LTBP1: variants seen among roughly 807,000 people sequenced by gnomAD.
The protein encoded by LTBP1 is latent transforming growth factor beta binding protein 1.
Under a neutral mutation model 207.6 loss-of-function variants are expected in LTBP1, and 129 were observed. The ratio of observed to expected loss-of-function variants is 0.62; its 90% CI spans 0.54 to 0.72. LTBP1 has a LOEUF of 0.72. Ranked by LOEUF, LTBP1 falls within the 30% of genes least tolerant of loss-of-function variation. LTBP1 has a pLI of 0.00. For synonymous variants in LTBP1, 963 were observed against 833.7 expected, an observed-to-expected ratio of 1.16 and a Z score of -2.67; for missense variants, 2,281 against 2,217.2, an observed-to-expected ratio of 1.03 and a Z score of -0.58.
chr2:33,095,270 G>T (rs1038383681), intron 3 of LTBP1, among the ~76,000 whole-genome samples: 1 of 152,112 alleles, frequency 6.6e-6, no homozygotes, highest in Non-Finnish European at 1.5e-5. Flanking sequence ...GCAATAAAAA[G>T]CAGACTGAAA....
intron 11 of LTBP1, among the ~76,000 whole-genome samples, chr2:33,254,852 G>GTTTTTTTTTTTTTTTTTTTT (rs70938393): frequency 9.6e-5 from 1 of 10,366 alleles, no homozygotes; most frequent in Non-Finnish European, 1.5e-4. Context: ...GCGGTGTTTG[G>GTTTTTTTTTTTTTTTTTTTT]TTTTTTTTTT....
At chr2:33,202,202 T>C (rs1219682657) in intron 7 of LTBP1, among the ~76,000 whole-genome samples, 1 of 152,208 alleles carries the variant, frequency 6.6e-6, no homozygotes, top group East Asian at 1.9e-4. Context: ...AAATTACTTT[T>C]TTTTAAAAGA....
intron 3 of LTBP1, among the ~76,000 whole-genome samples, chr2:33,022,112 A>G (rs1280766032): frequency 6.6e-6 from 1 of 152,170 alleles, no homozygotes; most frequent in African/African-American, 2.4e-5. Flanking sequence ...GACAGCTTCC[A>G]TATGGTGATT....
intron 19 of LTBP1, among the ~76,000 whole-genome samples, chr2:33,288,888 TG>T (rs2093720908): frequency 6.8e-6 from 1 of 147,096 alleles, no homozygotes; most frequent in Admixed American, 6.8e-5. Flanking sequence ...GAAAAGAAGG[TG>T]GAGTCTGGGA....
At chr2:33,360,187 G>T (rs557122756) in intron 26 of LTBP1, among the ~76,000 whole-genome samples, 2 of 152,268 alleles carry the variant, frequency 1.3e-5, no homozygotes, top group South Asian at 2.1e-4. Context: ...CTACCTAAGG[G>T]TTAAATATTA....
chr2:33,226,229 T>C (rs1444621743), intron 9 of LTBP1, among the ~76,000 whole-genome samples: 1 of 152,178 alleles, frequency 6.6e-6, no homozygotes, highest in Non-Finnish European at 1.5e-5. Flanking sequence ...TCAGTCTGTG[T>C]TTTTTTACCT....
chr2:33,003,677 G>A (rs1686369740), intron 2 of LTBP1, among the ~76,000 whole-genome samples: 1 of 152,214 alleles, frequency 6.6e-6, no homozygotes, highest in South Asian at 2.1e-4. Context: ...GGCAATGAGT[G>A]TAGCTCTGGG....
At chr2:33,154,767 T>C (rs982147467) in intron 5 of LTBP1, among the ~76,000 whole-genome samples, 6 of 152,192 alleles carry the variant, frequency 3.9e-5, no homozygotes, top group African/African-American at 1.4e-4. Flanking sequence ...TTATCTACCA[T>C]AAAAGTTGAA....
intron 2 of LTBP1, among the ~76,000 whole-genome samples, chr2:32,975,869 G>C (rs951341755): frequency 6.6e-6 from 1 of 151,852 alleles, no homozygotes; most frequent in Admixed American, 6.6e-5. Flanking sequence ...CACGATCTTT[G>C]TTCCTATCCA....
At chr2:33,214,824 GC>G (rs2090561548) in intron 7 of LTBP1, among the ~76,000 whole-genome samples, 1 of 151,618 alleles carries the variant, frequency 6.6e-6, no homozygotes, top group South Asian at 2.1e-4. Context: ...TTACACTAGG[GC>G]TTTTTTCAGT....
At chr2:33,373,458 A>C (rs554432160) in intron 31 of LTBP1, among the ~76,000 whole-genome samples, 1 of 152,238 alleles carries the variant, frequency 6.6e-6, no homozygotes, top group African/African-American at 2.4e-5. Flanking sequence ...GCACAAAGGC[A>C]TGATGTGAAT....
intron 24 of LTBP1, among the ~76,000 whole-genome samples, chr2:33,332,507 A>C (rs968840691): frequency 6.6e-6 from 1 of 151,632 alleles, no homozygotes; most frequent in Non-Finnish European, 1.5e-5. Context: ...AATATTTGAC[A>C]TATTTCTTAA....
chr2:33,214,590 G>T (rs946734705), intron 7 of LTBP1, among the ~76,000 whole-genome samples: 1 of 152,122 alleles, frequency 6.6e-6, no homozygotes, highest in Non-Finnish European at 1.5e-5. Flanking sequence ...CAACCTCGGG[G>T]ACTTTCCCTC....
intron 24 of LTBP1, among the ~76,000 whole-genome samples, chr2:33,326,065 G>T (rs2094422370): frequency 7.1e-6 from 1 of 140,124 alleles, no homozygotes. Flanking sequence ...AGTGTTTATA[G>T]TTTTTGCTTT....
intron 4 of LTBP1, among the ~76,000 whole-genome samples, chr2:33,131,466 T>C (rs889753612): frequency 4.6e-5 from 7 of 152,200 alleles, no homozygotes; most frequent in Admixed American, 6.5e-5. Context: ...GGAGTAGAGA[T>C]GGGAGAACAT....
chr2:33,159,075 G>A (rs4578839), intron 5 of LTBP1, among the ~76,000 whole-genome samples: 2,307 of 152,240 alleles, frequency 0.015, 22 homozygotes, highest in East Asian at 0.026. Flanking sequence ...GGGGCCTAGG[G>A]TCTGCCTAAT....
intron 8 of LTBP1, among the ~76,000 whole-genome samples, chr2:33,219,550 T>C (rs1206737138): frequency 3.9e-5 from 6 of 152,084 alleles, no homozygotes; most frequent in Non-Finnish European, 7.4e-5. Context: ...TTTTTTTTTT[T>C]AAACCTGCCT....
At chr2:33,036,456 G>T (rs1454367619) in intron 3 of LTBP1, among the ~76,000 whole-genome samples, 1 of 148,612 alleles carries the variant, frequency 6.7e-6, no homozygotes, top group East Asian at 2.0e-4. Flanking sequence ...CATGATGAAC[G>T]TTTTTTTTTT....
intron 10 of LTBP1, among the ~76,000 whole-genome samples, chr2:33,246,479 G>GCA (rs145652084): frequency 0.018 from 2,577 of 147,188 alleles, 68 homozygotes; most frequent in African/African-American, 0.061. Context: ...ACACGCACAC[G>GCA]CACACACACA....
Sources: gnomAD v4.1 joint callset for allele counts (sites outside exome capture counted in the v4.1 genomes callset) on GRCh38, gnomAD v4.1.1 for gene constraint, MANE v1.5 for transcripts, NCBI Gene and HGNC (gene_info 2026-07-23, HGNC 2026-07-21) for gene names.